Variants in DPRX observed in about 807,000 individuals in gnomAD.
DPRX encodes the protein divergent paired-related homeobox.
DPRX carries 11 observed loss-of-function variants against 8.4 expected under a neutral mutation model. That is an observed-to-expected ratio of 1.31 (90% CI 0.82 to 2.17). DPRX has a LOEUF of 2.17. Ranked by LOEUF, DPRX falls within the 30% of genes most tolerant of loss-of-function variation. The probability of loss-of-function intolerance (pLI) is 0.00; values close to 1 mark genes in which losing one functional copy is unlikely to be tolerated. For synonymous variants in DPRX, 72 were observed against 87.0 expected, an observed-to-expected ratio of 0.83 and a Z score of 0.96; for missense variants, 211 against 236.7, an observed-to-expected ratio of 0.89 and a Z score of 0.71.
chr19:53,629,794 G>C (rs1250208250), upstream of DPRX: 1 of 151,374 alleles, frequency 6.6e-6, no homozygotes, highest in Non-Finnish European at 1.5e-5. Context: ...AGGAGTTCTA[G>C]GCTGTAATGT....
At chr19:53,635,804 C>T (rs1470018072) in intron 2 of DPRX, among the ~76,000 whole-genome samples, 1 of 152,064 alleles carries the variant, frequency 6.6e-6, no homozygotes, top group Admixed American at 6.6e-5. Context: ...ATTCTTAGTG[C>T]ATGGGTGATA....
chr19:53,618,168 GAA>G, the DPRX span, among the ~76,000 whole-genome samples: 25 of 142,078 alleles, frequency 1.8e-4, no homozygotes, highest in African/African-American at 6.1e-4. Flanking sequence ...AAGAAAGAAA[GAA>G]AAGAAAATAT....
the DPRX span, among the ~76,000 whole-genome samples, chr19:53,617,561 CAAAAA>C: frequency 9.6e-6 from 1 of 103,736 alleles, no homozygotes; most frequent in African/African-American, 3.7e-5. Context: ...TCCGTCTCAC[CAAAAA>C]AAAAAAAAAG....
the DPRX span, chr19:53,602,178 A>C: frequency 2.2e-6 from 1 of 454,360 alleles, no homozygotes; most frequent in South Asian, 1.6e-5. Context: ...AAAAGGGTCA[A>C]GGTTGGGGAG....
chr19:53,613,769 A>G, the DPRX span, among the ~76,000 whole-genome samples: 4 of 152,074 alleles, frequency 2.6e-5, no homozygotes, highest in East Asian at 3.9e-4. Context: ...CAAGAGTTTC[A>G]TACGGAATTG....
exon 1 of DPRX, chr19:53,632,109 G>A: frequency 6.2e-7 from 1 of 1,613,940 alleles, no homozygotes; most frequent in Non-Finnish European, 8.5e-7. Flanking sequence ...ATTAGAAGAT[G>A]CCAGGCTCAG....
At chr19:53,618,111 C>G in the DPRX span, among the ~76,000 whole-genome samples, 2 of 150,284 alleles carry the variant, frequency 1.3e-5, no homozygotes, top group South Asian at 2.1e-4. Flanking sequence ...CCACTGCACT[C>G]CAGCCTGGGC....
the DPRX span, among the ~76,000 whole-genome samples, chr19:53,605,428 G>C: frequency 6.0e-5 from 9 of 150,770 alleles, no homozygotes; most frequent in African/African-American, 2.2e-4. Context: ...TCAGGCTGGA[G>C]GGCAGTGGCG....
the DPRX span, among the ~76,000 whole-genome samples, chr19:53,613,952 C>T: frequency 6.6e-6 from 1 of 151,224 alleles, no homozygotes; most frequent in East Asian, 1.9e-4. Context: ...GGTAGTATTT[C>T]CTTTGTTTTT....
chr19:53,612,879 C>G, the DPRX span, among the ~76,000 whole-genome samples: 1 of 152,078 alleles, frequency 6.6e-6, no homozygotes, highest in Non-Finnish European at 1.5e-5. Context: ...TTCCTCCTGG[C>G]CTCTCTGAGC....
chr19:53,634,406 C>G (rs535430545), intron 1 of DPRX, 125 bp from the exon 2 acceptor site: 2 of 1,234,070 alleles, frequency 1.6e-6, no homozygotes, highest in Non-Finnish European at 2.2e-6. Context: ...ACTCCAGCCT[C>G]GGTGACAGAA....
At chr19:53,606,189 A>C in the DPRX span, 2 of 152,148 alleles carry the variant, frequency 1.3e-5, no homozygotes, top group African/African-American at 4.8e-5. The surrounding 1 kb of genome is among the most constrained non-coding windows in gnomAD (Gnocchi z 4.8). Context: ...GTGGGCGTGG[A>C]TCCGGGCGAG....
chr19:53,614,301 G>C, the DPRX span, among the ~76,000 whole-genome samples: 7 of 152,174 alleles, frequency 4.6e-5, no homozygotes, highest in African/African-American at 1.7e-4. Flanking sequence ...TGTGGTCCCA[G>C]CTACTTGGAG....
the DPRX span, among the ~76,000 whole-genome samples, chr19:53,611,568 G>A: frequency 6.6e-6 from 1 of 152,008 alleles, no homozygotes; most frequent in Non-Finnish European, 1.5e-5. Flanking sequence ...GATGATTGCG[G>A]TACGATTTCA....
At chr19:53,609,741 T>G in the DPRX span, among the ~76,000 whole-genome samples, 10 of 119,230 alleles carry the variant, frequency 8.4e-5, no homozygotes, top group African/African-American at 3.4e-4. Flanking sequence ...TCCCAGCACT[T>G]TGGGAGGCCA....
chr19:53,631,621 G>A (rs1822456609), upstream of DPRX, among the ~76,000 whole-genome samples: 1 of 152,048 alleles, frequency 6.6e-6, no homozygotes, highest in African/African-American at 2.4e-5. Flanking sequence ...TTAGTCAGGA[G>A]TGGTGGCACA....
At chr19:53,627,091 A>G (rs1351523634), upstream of DPRX, among the ~76,000 whole-genome samples, 1 of 152,096 alleles carries the variant, frequency 6.6e-6, no homozygotes, top group Non-Finnish European at 1.5e-5. Context: ...TTCCAGCCCT[A>G]TTTGCGCAGT....
At chr19:53,636,100 G>A (rs1024702407) in intron 2 of DPRX, among the ~76,000 whole-genome samples, 2 of 152,192 alleles carry the variant, frequency 1.3e-5, no homozygotes, top group East Asian at 1.9e-4. Flanking sequence ...GGGTATGGTG[G>A]CTCATGCCTG....
exon 3 of DPRX, chr19:53,636,668 C>T (rs2091113729): frequency 6.2e-7 from 1 of 1,613,948 alleles, no homozygotes; most frequent in South Asian, 1.1e-5. Flanking sequence ...ACAAGAAACT[C>T]CACAACCGCC....
Sources: allele counts gnomAD v4.1 joint callset (sites outside exome capture counted in the v4.1 genomes callset), GRCh38; gene constraint gnomAD v4.1.1; non-coding constraint Gnocchi (gnomAD v3.1); transcripts MANE v1.5; gene names NCBI Gene and HGNC (gene_info 2026-07-23, HGNC 2026-07-21).